The following XIRP2 variants were observed in gnomAD, a reference collection of about 807,000 sequenced individuals.
XIRP2 encodes xin actin binding repeat containing 2.
In XIRP2, 236 loss-of-function variants were observed where a neutral mutation model predicts 277.0. That is an observed-to-expected ratio of 0.85 (90% confidence interval 0.77 to 0.95). The LOEUF (loss-of-function observed/expected upper bound fraction) is 0.95. Ranked by LOEUF, XIRP2 falls within the 40% of genes least tolerant of loss-of-function variation. The pLI is 0.00. For missense variants in XIRP2, 4,640 were observed against 4,157.5 expected (o/e 1.12, Z -3.19); for synonymous variants, 1,490 against 1,416.5 (o/e 1.05, Z -1.17).
chr2:166,981,985 T>C (rs1268588150), intron 2 of XIRP2, among the ~76,000 whole-genome samples: 1 of 152,204 alleles, frequency 6.6e-6, no homozygotes, highest in African/African-American at 2.4e-5. Flanking sequence ...ATAGTTTCTT[T>C]TAACTCAGCT....
intron 2 of XIRP2, among the ~76,000 whole-genome samples, chr2:166,944,131 C>G (rs1217185809): frequency 6.6e-6 from 1 of 152,106 alleles, no homozygotes; most frequent in Non-Finnish European, 1.5e-5. Context: ...AGATGTTTGT[C>G]TTTGATTTTC....
intron 5 of XIRP2, among the ~76,000 whole-genome samples, chr2:167,223,754 A>G (rs1392248967): frequency 6.6e-6 from 1 of 152,160 alleles, no homozygotes; most frequent in Non-Finnish European, 1.5e-5. Context: ...TCAACATACA[A>G]GGTTGTGACC....
At chr2:167,113,029 T>C (rs551417789) in intron 2 of XIRP2, among the ~76,000 whole-genome samples, 5 of 152,250 alleles carry the variant, frequency 3.3e-5, no homozygotes, top group Admixed American at 1.3e-4. Flanking sequence ...TTTAATTTGC[T>C]GAGCATTGTT....
intron 3 of XIRP2, among the ~76,000 whole-genome samples, chr2:167,191,422 C>G (rs1693329994): frequency 6.6e-6 from 1 of 152,132 alleles, no homozygotes; most frequent in Non-Finnish European, 1.5e-5. Flanking sequence ...TTTTGCAAAT[C>G]TTTGTGCCAA....
chr2:167,217,206 C>G (rs1250163064), intron 4 of XIRP2, among the ~76,000 whole-genome samples: 5 of 149,434 alleles, frequency 3.3e-5, no homozygotes, highest in Admixed American at 6.7e-5. Flanking sequence ...GTGGGTGCAG[C>G]ACACCAGCAT....
intron 3 of XIRP2, among the ~76,000 whole-genome samples, chr2:167,195,179 A>T (rs771513538): frequency 3.3e-5 from 5 of 152,206 alleles, no homozygotes; most frequent in Non-Finnish European, 7.3e-5. Flanking sequence ...AAAGCTACTA[A>T]GTACCCCCTT....
At chr2:167,020,011 G>T (rs552445105) in intron 2 of XIRP2, among the ~76,000 whole-genome samples, 2 of 152,070 alleles carry the variant, frequency 1.3e-5, no homozygotes, top group South Asian at 2.1e-4. Context: ...TTCGCTTTTA[G>T]GAGATGGATG....
At chr2:167,198,306 A>G (rs989007) in intron 3 of XIRP2, among the ~76,000 whole-genome samples, 12,241 of 152,248 alleles carry the variant, frequency 0.08, 529 homozygotes, top group South Asian at 0.15. Context: ...GTAACCCAGC[A>G]TCTGATTGCA....
intron 3 of XIRP2, among the ~76,000 whole-genome samples, chr2:167,148,095 A>G (rs1691908583): frequency 6.6e-6 from 1 of 152,100 alleles, no homozygotes; most frequent in Non-Finnish European, 1.5e-5. Context: ...GAAAGAAGGA[A>G]AAGAGGCTGG....
chr2:167,091,977 A>C (rs1359427606), intron 2 of XIRP2, among the ~76,000 whole-genome samples: 2 of 152,164 alleles, frequency 1.3e-5, no homozygotes, highest in African/African-American at 4.8e-5. Context: ...GGATAAAAGC[A>C]ACACCAAATG....
intron 2 of XIRP2, among the ~76,000 whole-genome samples, chr2:167,109,774 A>C (rs1690704439): frequency 6.6e-6 from 1 of 152,144 alleles, no homozygotes; most frequent in African/African-American, 2.4e-5. Context: ...TGGTTGAGCT[A>C]ATTTACAATC....
chr2:167,124,769 G>C (rs891172537), intron 2 of XIRP2, among the ~76,000 whole-genome samples: 2 of 152,176 alleles, frequency 1.3e-5, no homozygotes, highest in Non-Finnish European at 2.9e-5. Context: ...TGTGAAAGCA[G>C]TTGGAATTTC....
chr2:167,161,432 C>A (rs146722323), intron 3 of XIRP2, among the ~76,000 whole-genome samples: 1,913 of 152,334 alleles, frequency 0.013, 35 homozygotes, highest in South Asian at 0.062. Flanking sequence ...CATACATCCT[C>A]TGAAATCTAG....
chr2:167,101,725 A>G (rs1690494009), intron 2 of XIRP2, among the ~76,000 whole-genome samples: 1 of 152,294 alleles, frequency 6.6e-6, no homozygotes, highest in Middle Eastern at 3.4e-3. Context: ...TATATAAGAG[A>G]ATAGTTTCTG....
intron 2 of XIRP2, among the ~76,000 whole-genome samples, chr2:166,956,095 ATCT>A (rs1297137805): frequency 6.6e-6 from 1 of 151,194 alleles, no homozygotes; most frequent in African/African-American, 2.4e-5. Context: ...TTTTTCCATG[ATCT>A]TCTGAAAAAT....
intron 6 of XIRP2, 44 bp from the exon 7 acceptor site, chr2:167,240,620 G>A (rs1241214660): frequency 6.5e-7 from 1 of 1,545,388 alleles, no homozygotes; most frequent in South Asian, 1.1e-5. Flanking sequence ...TAAAATAATT[G>A]ACTTCTTAAA....
At chr2:166,908,697 A>G (rs1352711470) in intron 2 of XIRP2, among the ~76,000 whole-genome samples, 1 of 152,194 alleles carries the variant, frequency 6.6e-6, no homozygotes, top group South Asian at 2.1e-4. Flanking sequence ...GCCCATGCCT[A>G]TGTCCTGAAT....
intron 2 of XIRP2, among the ~76,000 whole-genome samples, chr2:167,002,959 T>C (rs1019281854): frequency 2.0e-5 from 3 of 151,894 alleles, no homozygotes; most frequent in African/African-American, 7.2e-5. Context: ...TTATGAAATT[T>C]GAAAAAGAAA....
At chr2:166,978,400 T>C (rs992466763) in intron 2 of XIRP2, among the ~76,000 whole-genome samples, 3 of 152,202 alleles carry the variant, frequency 2.0e-5, no homozygotes, top group African/African-American at 7.2e-5. Flanking sequence ...AAGTAGCTTA[T>C]AATTTTAGAA....
Sources: gnomAD v4.1 joint callset for allele counts (sites outside exome capture counted in the v4.1 genomes callset) on GRCh38, gnomAD v4.1.1 for gene constraint, MANE v1.5 for transcripts, NCBI Gene and HGNC (gene_info 2026-07-23, HGNC 2026-07-21) for gene names.